The following STYXL1 variants were observed in gnomAD, a reference collection of about 807,000 sequenced individuals.
STYXL1 encodes serine/threonine/tyrosine interacting like 1.
STYXL1 carries 32 observed loss-of-function variants against 36.4 expected under a neutral mutation model. The ratio of observed to expected loss-of-function variants is 0.88; its 90% CI spans 0.66 to 1.18. The LOEUF (loss-of-function observed/expected upper bound fraction) is 1.18. Among genes scored for constraint, STYXL1 ranks in the 50% most tolerant of loss-of-function variants. The probability of loss-of-function intolerance (pLI) is 0.00; values close to 1 mark genes in which losing one functional copy is unlikely to be tolerated. For synonymous variants in STYXL1, 133 were observed against 144.1 expected (o/e 0.92, Z 0.55); for missense variants, 354 against 394.1 (o/e 0.90, Z 0.86).
chr7:76,005,824 G>A (rs1322449066), intron 5 of STYXL1, among the ~76,000 whole-genome samples: 6 of 139,884 alleles, frequency 4.3e-5, no homozygotes, highest in Non-Finnish European at 7.6e-5. Flanking sequence ...GGAGGAGGAG[G>A]AGGAAGAGAG....
intron 1 of STYXL1, among the ~76,000 whole-genome samples, chr7:76,040,478 G>A (rs1325850466): frequency 6.6e-6 from 1 of 152,160 alleles, no homozygotes; most frequent in African/African-American, 2.4e-5. Flanking sequence ...TTGTTCTGCT[G>A]GGACCTATCC....
intron 7 of STYXL1, among the ~76,000 whole-genome samples, 198 bp downstream of exon 7, chr7:76,003,560 C>T (rs901681240): frequency 1.3e-5 from 2 of 152,206 alleles, no homozygotes; most frequent in African/African-American, 4.8e-5. Flanking sequence ...CACGGTTGCT[C>T]GTTTCACTGA....
intron 5 of STYXL1, among the ~76,000 whole-genome samples, chr7:76,009,162 G>A (rs1456118636): frequency 6.6e-6 from 1 of 152,126 alleles, no homozygotes; most frequent in African/African-American, 2.4e-5. Context: ...CTGTACTGTA[G>A]AATGTGTGTA....
chr7:76,006,392 G>T (rs1213264383), intron 5 of STYXL1, among the ~76,000 whole-genome samples: 1 of 152,086 alleles, frequency 6.6e-6, no homozygotes, highest in Admixed American at 6.6e-5. Flanking sequence ...TGAAGCCAGT[G>T]TATGTGCAGA....
chr7:76,011,933 A>C (rs1403668450), intron 5 of STYXL1, among the ~76,000 whole-genome samples: 2 of 152,254 alleles, frequency 1.3e-5, no homozygotes, highest in African/African-American at 4.8e-5. Flanking sequence ...TGTTTTGACA[A>C]AACTGACCAT....
At chr7:75,999,671 C>T (rs1052976546) in intron 8 of STYXL1, among the ~76,000 whole-genome samples, 9 of 151,882 alleles carry the variant, frequency 5.9e-5, no homozygotes, top group Non-Finnish European at 1.2e-4. Context: ...CCTCAGCCTC[C>T]AGAGTAGCTG....
intron 1 of STYXL1, among the ~76,000 whole-genome samples, chr7:76,032,214 G>A (rs1316380055): frequency 6.7e-6 from 1 of 150,180 alleles, no homozygotes; most frequent in Non-Finnish European, 1.5e-5. Flanking sequence ...ACAACATAGT[G>A]AGACCCCATC....
chr7:76,022,621 T>A (rs1794213523), intron 3 of STYXL1, among the ~76,000 whole-genome samples: 1 of 151,978 alleles, frequency 6.6e-6, no homozygotes, highest in African/African-American at 2.4e-5. Context: ...GCTGCGATTG[T>A]GTCACTGCAC....
chr7:76,019,204 A>G (rs1793746837), intron 4 of STYXL1, among the ~76,000 whole-genome samples: 1 of 152,212 alleles, frequency 6.6e-6, no homozygotes, highest in Admixed American at 6.5e-5. Flanking sequence ...TGGCCCAGAA[A>G]GAGAAATAGT....
intron 1 of STYXL1, among the ~76,000 whole-genome samples, chr7:76,040,697 G>A (rs959261108): frequency 3.3e-5 from 5 of 152,024 alleles, no homozygotes; most frequent in African/African-American, 4.8e-5. Context: ...TTAGCCAGGC[G>A]TGGTGGCGCA....
At chr7:76,025,017 G>T (rs1272288602) in intron 3 of STYXL1, among the ~76,000 whole-genome samples, 1 of 150,592 alleles carries the variant, frequency 6.6e-6, no homozygotes, top group Non-Finnish European at 1.5e-5. Flanking sequence ...TACAGTATGG[G>T]ATACATGTGC....
rs1797349560 is a variant in STYXL1, at chr7:76,047,916, C to G, written c.-259G>C. 2.1e-6 allele frequency: 3 copies of G among 1,424,164 alleles called. No homozygotes were observed. Among genetic ancestry groups the G allele is most frequent in the Non-Finnish European group, 1.8e-6 (2 of 1,091,122 alleles). The allele number at this position is 1,424,164 out of a possible 1,614,324, so 88.2% of individuals were successfully genotyped here. ...ACTCCGACCGCAGGTCCCCCACCGG[C>G]CACACAGACGGCTACGCTAGAACCC... On this transcript the variant is annotated 5_prime_UTR_variant, in exon 1 of 9. Transcript: ENST00000359697.
At chr7:76,025,760 GC>G (rs1269190156) in intron 3 of STYXL1, among the ~76,000 whole-genome samples, 1 of 151,214 alleles carries the variant, frequency 6.6e-6, no homozygotes, top group Non-Finnish European at 1.5e-5. Context: ...ACTGCACCGG[GC>G]AGACAGACAG....
chr7:76,004,797 C>T (rs1348972428), intron 6 of STYXL1, among the ~76,000 whole-genome samples: 1 of 152,018 alleles, frequency 6.6e-6, no homozygotes, highest in African/African-American at 2.4e-5. Flanking sequence ...GTCAGGTGAT[C>T]GAGACCATCC....
intron 1 of STYXL1, among the ~76,000 whole-genome samples, chr7:76,038,740 C>G (rs948226823): frequency 2.1e-5 from 3 of 139,696 alleles, no homozygotes; most frequent in Non-Finnish European, 4.4e-5. Flanking sequence ...TTGAGAATGG[C>G]CTCAAGGCGA....
chr7:76,030,824 C>G (rs1795245062), intron 1 of STYXL1, among the ~76,000 whole-genome samples: 1 of 134,068 alleles, frequency 7.5e-6, no homozygotes, highest in Non-Finnish European at 1.6e-5. Flanking sequence ...CCAGCCCGGC[C>G]AACAATGGCA....
At chr7:76,005,904 G>GGAGGAGA (rs1791692572) in intron 5 of STYXL1, among the ~76,000 whole-genome samples, 1 of 139,082 alleles carries the variant, frequency 7.2e-6, no homozygotes, top group African/African-American at 2.7e-5. Context: ...GGAGGAGAGA[G>GGAGGAGA]GAGGAGGAGG....
At chr7:76,027,182 G>A (rs1207521291) in intron 3 of STYXL1, among the ~76,000 whole-genome samples, 1 of 152,100 alleles carries the variant, frequency 6.6e-6, no homozygotes, top group Non-Finnish European at 1.5e-5. Context: ...GGCAAAGGCT[G>A]CCAGGCTTCA....
At chr7:76,028,087 T>C (rs1158530280) in intron 3 of STYXL1, among the ~76,000 whole-genome samples, 1 of 152,010 alleles carries the variant, frequency 6.6e-6, no homozygotes, top group African/African-American at 2.4e-5. Context: ...CAGGCTAGAG[T>C]ACAGTGGCGT....
Sources: gnomAD v4.1 joint callset for allele counts (sites outside exome capture counted in the v4.1 genomes callset) on GRCh38, gnomAD v4.1.1 for gene constraint, MANE v1.5 for transcripts, NCBI Gene and HGNC (gene_info 2026-07-23, HGNC 2026-07-21) for gene names.